ANKFN1: variants seen among roughly 807,000 people sequenced by gnomAD.
The protein encoded by ANKFN1 is ankyrin repeat and fibronectin type III domain containing 1, also known as ankyrin repeat and fibronectin type-III domain-containing protein 1.
In ANKFN1, 74 loss-of-function variants were observed where a neutral mutation model predicts 108.7. The ratio of observed to expected loss-of-function variants is 0.68; its 90% CI spans 0.56 to 0.83. ANKFN1 has a LOEUF of 0.83. Among genes scored for constraint, ANKFN1 ranks in the 40% least tolerant of loss-of-function variants. The pLI is 0.00. For missense variants in ANKFN1, 1,505 were observed against 1,382.3 expected (o/e 1.09, Z -1.41); for synonymous variants, 547 against 516.2 (o/e 1.06, Z -0.81).
intron 1 of ANKFN1, among the ~76,000 whole-genome samples, chr17:56,183,792 G>T (rs755028936): frequency 3.3e-5 from 5 of 152,142 alleles, no homozygotes; most frequent in Non-Finnish European, 7.4e-5. Context: ...ACCAGCATTT[G>T]GAAGAAGTTG....
At chr17:56,505,248 T>C (rs958955985) in intron 20 of ANKFN1, among the ~76,000 whole-genome samples, 6 of 152,214 alleles carry the variant, frequency 3.9e-5, no homozygotes, top group African/African-American at 1.4e-4. Flanking sequence ...TCAGGATGCG[T>C]TGCTTTTAGT....
intron 4 of ANKFN1, among the ~76,000 whole-genome samples, chr17:56,105,609 T>A (rs1434443717): frequency 6.6e-6 from 1 of 152,058 alleles, no homozygotes; most frequent in Non-Finnish European, 1.5e-5. Flanking sequence ...TTCATTTTTC[T>A]CTTCCTCTCT....
chr17:56,506,194 T>C (rs1036228909), intron 20 of ANKFN1, among the ~76,000 whole-genome samples: 1 of 152,030 alleles, frequency 6.6e-6, no homozygotes, highest in African/African-American at 2.4e-5. Context: ...TTATATCTCC[T>C]GATGCTATCC....
chr17:56,510,053 C>T (rs1445417547), intron 20 of ANKFN1, among the ~76,000 whole-genome samples: 2 of 152,188 alleles, frequency 1.3e-5, no homozygotes, highest in East Asian at 3.8e-4. Flanking sequence ...TTTTAAATTC[C>T]TGCTACTTTG....
intron 2 of ANKFN1, among the ~76,000 whole-genome samples, chr17:56,220,270 A>G (rs540077991): frequency 6.6e-6 from 1 of 152,376 alleles, no homozygotes; most frequent in Non-Finnish European, 1.5e-5. Context: ...TAATAAAATG[A>G]TAAAACAGTA....
upstream of ANKFN1, among the ~76,000 whole-genome samples, chr17:56,152,260 ATATGTGTGTGTGTGTG>A (rs1306796009): frequency 1.6e-4 from 20 of 128,626 alleles, no homozygotes; most frequent in East Asian, 9.6e-4. Flanking sequence ...ATATATATAT[ATATGTGTGTGTGTGTG>A]TGTGTGTGTG....
At chr17:56,098,545 A>T (rs1339434929) in intron 4 of ANKFN1, among the ~76,000 whole-genome samples, 1 of 152,102 alleles carries the variant, frequency 6.6e-6, no homozygotes, top group Non-Finnish European at 1.5e-5. Context: ...TTTATGTATT[A>T]TCTATCTCCT....
intron 4 of ANKFN1, among the ~76,000 whole-genome samples, chr17:56,346,912 C>G (rs1246185613): frequency 6.6e-6 from 1 of 151,850 alleles, no homozygotes; most frequent in African/African-American, 2.4e-5. Context: ...TTGGCAGGCC[C>G]AAATGAAATT....
Position 56,281,186 on chromosome 17 carries a change from A to T in ANKFN1, c.54-45035A>T, listed in dbSNP as rs564723429. On this transcript the variant is annotated intron_variant, in intron 3 of 20. Coordinates refer to ENST00000682825, the MANE Select transcript of ANKFN1 (RefSeq NM_001370326.1). The stretch of plus-strand genomic sequence containing the variant: ...AGACTATCAAATTGCAGTAATCCAG[A>T]TATATAGTATTAGTGTAAGCACAGA... Among the ~76,000 whole-genome samples, 3 of 150,650 alleles carry T rather than the reference A, an allele frequency of 2.0e-5. No homozygotes were observed. In the South Asian group the frequency reaches 6.3e-4, roughly 32 times the overall value.
chr17:56,055,596 T>TACACAC (rs1555588789), intron 4 of ANKFN1, among the ~76,000 whole-genome samples: 1 of 130,642 alleles, frequency 7.7e-6, no homozygotes. Flanking sequence ...TATGTATATA[T>TACACAC]ACACATTTTT....
intron 6 of ANKFN1, among the ~76,000 whole-genome samples, chr17:56,361,198 A>T (rs536217704): frequency 1.3e-5 from 2 of 152,086 alleles, no homozygotes; most frequent in Non-Finnish European, 2.9e-5. Context: ...TATACATGCA[A>T]CATAGAATAT....
chr17:56,242,101 CTG>C (rs1917628909), intron 3 of ANKFN1, among the ~76,000 whole-genome samples: 1 of 151,216 alleles, frequency 6.6e-6, no homozygotes, highest in East Asian at 2.0e-4. Flanking sequence ...GAAAATGAAA[CTG>C]TGAGTAAGGT....
At chr17:56,363,421 A>G (rs942550276) in intron 6 of ANKFN1, among the ~76,000 whole-genome samples, 9 of 152,184 alleles carry the variant, frequency 5.9e-5, no homozygotes, top group African/African-American at 2.2e-4. Context: ...AAGATGGAAG[A>G]TAAGTGTCGG....
chr17:56,465,019 T>C (rs1456839903), intron 14 of ANKFN1, among the ~76,000 whole-genome samples: 4 of 152,190 alleles, frequency 2.6e-5, no homozygotes, highest in African/African-American at 4.8e-5. Flanking sequence ...TCTGGGTAGT[T>C]TGAAATCCCA....
At chr17:56,180,109 T>C (rs994601698) in intron 1 of ANKFN1, among the ~76,000 whole-genome samples, 5 of 152,178 alleles carry the variant, frequency 3.3e-5, no homozygotes, top group African/African-American at 4.8e-5. Flanking sequence ...TTCTCATACA[T>C]GGAGTATTGG....
At chr17:56,211,550 G>A (rs1425721801) in intron 1 of ANKFN1, among the ~76,000 whole-genome samples, 1 of 152,116 alleles carries the variant, frequency 6.6e-6, no homozygotes, top group Non-Finnish European at 1.5e-5. Flanking sequence ...AATATCTCCA[G>A]ACTTGTTCTT....
chr17:56,449,161 C>A lies in ANKFN1; in HGVS notation c.1182C>A (p.Ala394=). The change falls in exon 11 of 21, where the codon GCC becomes GCA. Residue 394 remains alanine, a synonymous_variant. Transcript: ENST00000682825. ...AAGGTCTGCTGCAGCAGGTCCGAGC[C>A]CTTCATCAGCATTACAGTTGCCGGG... ...VLEGLLQQVR[A]LHQHYSCRES... 5.6e-6 allele frequency: 9 copies of A among 1,613,156 alleles called. No individual in the cohort carries two copies. The highest frequency in any genetic ancestry group is 7.6e-6 in the Non-Finnish European group (9 of 1,179,516).
At chr17:56,153,042 A>G (rs1251067298), upstream of ANKFN1, among the ~76,000 whole-genome samples, 1 of 152,118 alleles carries the variant, frequency 6.6e-6, no homozygotes, top group Non-Finnish European at 1.5e-5. Context: ...TGTTTACCTG[A>G]TTAGTATTCA....
At chr17:56,228,227 A>C (rs1916433448) in intron 3 of ANKFN1, 1 of 369,874 alleles carries the variant, frequency 2.7e-6, no homozygotes, top group Admixed American at 4.6e-5. Context: ...GGCAATATTC[A>C]TTTATATATT....
Sources: gnomAD v4.1 joint callset for allele counts (sites outside exome capture counted in the v4.1 genomes callset) on GRCh38, gnomAD v4.1.1 for gene constraint, MANE v1.5 for transcripts, NCBI Gene and HGNC (gene_info 2026-07-23, HGNC 2026-07-21) for gene names.